The following PIGK variants were observed in gnomAD, a reference collection of about 807,000 sequenced individuals.
The protein encoded by PIGK is phosphatidylinositol glycan anchor biosynthesis class K.
Under a neutral mutation model 50.6 loss-of-function variants are expected in PIGK, and 42 were observed. The ratio of observed to expected loss-of-function variants is 0.83; its 90% CI spans 0.65 to 1.07. The LOEUF (loss-of-function observed/expected upper bound fraction) is 1.07. Ranked by LOEUF, PIGK falls within the 50% of genes least tolerant of loss-of-function variation. The pLI is 0.00. For missense variants in PIGK, 448 were observed against 488.7 expected (o/e 0.92, Z 0.78); for synonymous variants, 151 against 156.0 (o/e 0.97, Z 0.24).
At chr1:77,111,752 TATA>T (rs1430229656) in intron 10 of PIGK, among the ~76,000 whole-genome samples, 3 of 152,240 alleles carry the variant, frequency 2.0e-5, no homozygotes. Context: ...GAACTTAAAG[TATA>T]ATAATAAAAA....
intron 10 of PIGK, among the ~76,000 whole-genome samples, chr1:77,104,270 T>C (rs1653615723): frequency 6.6e-6 from 1 of 151,950 alleles, no homozygotes; most frequent in African/African-American, 2.4e-5. Flanking sequence ...AGAAAAAGAC[T>C]TATGAAAAAG....
At chr1:77,172,348 G>A (rs1655385801) in intron 3 of PIGK, among the ~76,000 whole-genome samples, 1 of 152,092 alleles carries the variant, frequency 6.6e-6, no homozygotes, top group African/African-American at 2.4e-5. Context: ...AACCAATCCA[G>A]TTGTTTCTGT....
chr1:77,187,255 T>C (rs1655771503), intron 3 of PIGK, among the ~76,000 whole-genome samples: 1 of 152,122 alleles, frequency 6.6e-6, no homozygotes, highest in East Asian at 1.9e-4. Context: ...CCATGTATGC[T>C]CTGAATCAGC....
Position 77,194,529 on chromosome 1 carries a change from T to C in PIGK, c.239+12111A>G, listed in dbSNP as rs183340173. 4.8e-4 allele frequency among the ~76,000 whole-genome samples: 73 copies of C among 151,070 alleles called. 1 individual carries two copies. The highest frequency in any genetic ancestry group is 3.4e-4 in the Non-Finnish European group (23 of 67,960). On this transcript the variant is annotated intron_variant, in intron 3 of 10. Transcript: ENST00000370812. ...GAGGCTATTATCCTAAGTGAATTAA[T>C]GCAGGAACAGAAAACCAAATGCCAC...
intron 9 of PIGK, among the ~76,000 whole-genome samples, chr1:77,143,899 C>G (rs909686235): frequency 1.3e-5 from 2 of 152,018 alleles, no homozygotes; most frequent in African/African-American, 4.8e-5. Flanking sequence ...GATAAGTTCT[C>G]TCAATAATAC....
At chr1:77,177,086 T>C (rs1038407880) in intron 3 of PIGK, among the ~76,000 whole-genome samples, 1 of 152,240 alleles carries the variant, frequency 6.6e-6, no homozygotes, top group African/African-American at 2.4e-5. Context: ...TCAATTGTCA[T>C]TTTCAATGCA....
intron 10 of PIGK, among the ~76,000 whole-genome samples, chr1:77,105,770 T>C (rs527904828): frequency 6.6e-6 from 1 of 152,196 alleles, no homozygotes; most frequent in Non-Finnish European, 1.5e-5. Flanking sequence ...ATTGGGGCTT[T>C]CACACTATAC....
intron 1 of PIGK, among the ~76,000 whole-genome samples, chr1:77,211,203 G>C (rs1229038571): frequency 6.6e-6 from 1 of 151,680 alleles, no homozygotes; most frequent in Non-Finnish European, 1.5e-5. Flanking sequence ...GCTTTCATCA[G>C]TTATATTCAA....
Position 77,121,531 on chromosome 1 carries a change from CAAT to C in PIGK, c.1071+741_1071+743del, listed in dbSNP as rs528689970. ...GGAAAAAGGCATATGGAAAAACTCA[CAAT>C]AACAATCAACATTCATAACAATTCT... On this transcript the variant is annotated intron_variant, in intron 10 of 10. Transcript: ENST00000370812. 3.3e-4 allele frequency among the ~76,000 whole-genome samples: 51 copies of C among 152,250 alleles called. 1 individual carries two copies. Among genetic ancestry groups the C allele is most frequent in the African/African-American group, 1.2e-3 (50 of 41,554 alleles).
At chr1:77,175,067 A>G (rs1056237083) in intron 3 of PIGK, among the ~76,000 whole-genome samples, 2 of 152,230 alleles carry the variant, frequency 1.3e-5, no homozygotes, top group Non-Finnish European at 2.9e-5. Context: ...ACGTAACTTT[A>G]GTAATCTTTG....
chr1:77,205,581 T>C (rs1195852062), intron 3 of PIGK, among the ~76,000 whole-genome samples: 1 of 152,008 alleles, frequency 6.6e-6, no homozygotes, highest in Non-Finnish European at 1.5e-5. Flanking sequence ...AAGAAGGTAC[T>C]ATTATTACCA....
chr1:77,096,886 T>C (rs964157132), intron 10 of PIGK, among the ~76,000 whole-genome samples: 7 of 114,234 alleles, frequency 6.1e-5, no homozygotes, highest in Non-Finnish European at 1.1e-4. Flanking sequence ...TTTTTCTTTT[T>C]TTTTTTTTTT....
At chr1:77,174,661 C>A (rs1035609426) in intron 3 of PIGK, among the ~76,000 whole-genome samples, 2 of 152,130 alleles carry the variant, frequency 1.3e-5, no homozygotes, top group African/African-American at 4.8e-5. Context: ...AATGTCCCCA[C>A]CCACCACTAA....
chr1:77,165,798 T>A (rs1212358717), intron 5 of PIGK, among the ~76,000 whole-genome samples: 3 of 151,858 alleles, frequency 2.0e-5, no homozygotes, highest in Non-Finnish European at 4.4e-5. Flanking sequence ...ATAAGAAAAA[T>A]GTAAGCTGTG....
chr1:77,207,047 G>A (rs1265456800), intron 2 of PIGK, among the ~76,000 whole-genome samples: 2 of 152,082 alleles, frequency 1.3e-5, no homozygotes, highest in Non-Finnish European at 2.9e-5. Flanking sequence ...TGCACCTGTA[G>A]TTGCAGCTAC....
At position 77,140,230 on chromosome 1, in the gene PIGK, C is replaced by G. The variant is rs1055969529; in HGVS notation, c.986+14219G>C. 3.6e-4 allele frequency among the ~76,000 whole-genome samples: 54 copies of G among 151,982 alleles called. 1 individual carries two copies. The highest frequency in any genetic ancestry group is 1.2e-3 in the African/African-American group (50 of 41,352). ...TCGTTTAAAAGTGTGTGGCACCTCC[C>G]CAGTGCATGCTCACACTCACTCACT... On this transcript the variant is annotated intron_variant, in intron 9 of 10. Transcript: ENST00000370812.
intron 10 of PIGK, among the ~76,000 whole-genome samples, chr1:77,118,295 T>C (rs1280657260): frequency 1.3e-5 from 2 of 152,112 alleles, no homozygotes; most frequent in Non-Finnish European, 2.9e-5. Flanking sequence ...TGGAGTACAG[T>C]GGCGTGATCG....
At chr1:77,171,886 C>T (rs931902387) in intron 3 of PIGK, among the ~76,000 whole-genome samples, 44 of 152,056 alleles carry the variant, frequency 2.9e-4, no homozygotes, top group South Asian at 2.1e-4. Flanking sequence ...AAACAAACTA[C>T]GTAGGCTTAT....
chr1:77,178,053 AT>A (rs1449468024), intron 3 of PIGK, among the ~76,000 whole-genome samples: 1 of 152,206 alleles, frequency 6.6e-6, no homozygotes, highest in Non-Finnish European at 1.5e-5. Context: ...TTATGCCTCT[AT>A]GAACAATAGA....
Sources: gnomAD v4.1 joint callset for allele counts (sites outside exome capture counted in the v4.1 genomes callset) on GRCh38, gnomAD v4.1.1 for gene constraint, MANE v1.5 for transcripts, NCBI Gene and HGNC (gene_info 2026-07-23, HGNC 2026-07-21) for gene names.